FBN2: variants seen among roughly 807,000 people sequenced by gnomAD.
FBN2 encodes the protein fibrillin-2.
In FBN2, 105 loss-of-function variants were observed where a neutral mutation model predicts 355.6. The observed-to-expected ratio is 0.30, with a 90% CI of 0.25 to 0.35. The LOEUF (loss-of-function observed/expected upper bound fraction) is 0.35, where lower values mean the gene tolerates loss of function less well. Among genes scored for constraint, FBN2 ranks in the 10% least tolerant of loss-of-function variants. FBN2 has a pLI of 1.00. For synonymous variants in FBN2, 1,350 were observed against 1,301.2 expected, an observed-to-expected ratio of 1.04 and a Z score of -0.81; for missense variants, 3,280 against 3,758.7, an observed-to-expected ratio of 0.87 and a Z score of 3.33.
chr5:128,505,834 G>A (rs574483558), intron 5 of FBN2, among the ~76,000 whole-genome samples: 40 of 152,084 alleles, frequency 2.6e-4, no homozygotes, highest in Non-Finnish European at 5.1e-4. Flanking sequence ...ATATTCCGTT[G>A]TATGCACTGT....
At chr5:128,311,811 G>C in intron 38 of FBN2, 74 bp downstream of exon 38, 5 of 1,124,172 alleles carry the variant, frequency 4.4e-6, no homozygotes, top group Admixed American at 1.7e-5. Context: ...CTCTGCCCTA[G>C]GTTTTCTGCC....
intron 34 of FBN2, among the ~76,000 whole-genome samples, chr5:128,326,589 A>G (rs746215360): frequency 3.9e-5 from 6 of 152,212 alleles, no homozygotes; most frequent in Non-Finnish European, 7.3e-5. Flanking sequence ...ATGTATTTAT[A>G]ATAAGATGGG....
At chr5:128,444,666 C>A (rs3805659) in intron 7 of FBN2, among the ~76,000 whole-genome samples, 1 of 152,178 alleles carries the variant, frequency 6.6e-6, no homozygotes, top group East Asian at 1.9e-4. Flanking sequence ...CTATCAATGT[C>A]CCTCTTTCCT....
chr5:128,488,421 T>A (rs1230238435), intron 5 of FBN2, among the ~76,000 whole-genome samples: 1 of 152,164 alleles, frequency 6.6e-6, no homozygotes, highest in African/African-American at 2.4e-5. Flanking sequence ...TTAATAAAAT[T>A]TCAAGTTCTA....
chr5:128,418,822 C>T (rs540342112), intron 7 of FBN2, among the ~76,000 whole-genome samples: 40 of 152,048 alleles, frequency 2.6e-4, no homozygotes, highest in Non-Finnish European at 4.9e-4. Context: ...TGTGCTGCTA[C>T]GAAAAATGTG....
chr5:128,408,170 T>A (rs569883455), intron 8 of FBN2, among the ~76,000 whole-genome samples: 2 of 152,336 alleles, frequency 1.3e-5, no homozygotes, highest in South Asian at 4.1e-4. Context: ...CCTTGCTCAA[T>A]AACAGATTAC....
intron 8 of FBN2, among the ~76,000 whole-genome samples, chr5:128,405,074 G>T (rs1752891327): frequency 1.3e-5 from 2 of 152,180 alleles, no homozygotes; most frequent in Admixed American, 1.3e-4. Flanking sequence ...AGGAGGCTGA[G>T]GTGGGACAAT....
intron 46 of FBN2, among the ~76,000 whole-genome samples, chr5:128,302,063 T>C (rs1373977620): frequency 6.7e-6 from 1 of 149,610 alleles, no homozygotes; most frequent in Non-Finnish European, 1.5e-5. Context: ...ACAAAGGCTC[T>C]AAGAAACTAG....
chr5:128,301,262 G>C, intron 47 of FBN2, 120 bp downstream of exon 47: 1 of 965,722 alleles, frequency 1.0e-6, no homozygotes, highest in Non-Finnish European at 1.6e-6. Flanking sequence ...GCTTATCTTG[G>C]TCATGTGCTC....
chr5:128,392,424 G>A (rs911095706), intron 10 of FBN2, among the ~76,000 whole-genome samples: 2 of 152,160 alleles, frequency 1.3e-5, no homozygotes, highest in Admixed American at 6.5e-5. Context: ...ATACGTTTGA[G>A]TGCTTTCCGT....
intron 7 of FBN2, chr5:128,442,320 A>AG (rs1310925847): frequency 6.6e-6 from 3 of 456,682 alleles, no homozygotes; most frequent in Non-Finnish European, 1.3e-5. Context: ...ATAGTCTGGA[A>AG]GGGAGGATCA....
chr5:128,308,410 A>G (rs962288219), intron 41 of FBN2, among the ~76,000 whole-genome samples: 1 of 152,178 alleles, frequency 6.6e-6, no homozygotes, highest in African/African-American at 2.4e-5. Flanking sequence ...AAAAAGGCCT[A>G]TGTGTTGCTT....
At chr5:128,354,845 C>T (rs757963486) in intron 20 of FBN2, among the ~76,000 whole-genome samples, 4 of 152,108 alleles carry the variant, frequency 2.6e-5, no homozygotes, top group Non-Finnish European at 4.4e-5. Flanking sequence ...TTTGAGATAT[C>T]GATGAGCCAT....
At chr5:128,526,524 T>C (rs192994869) in intron 4 of FBN2, among the ~76,000 whole-genome samples, 1 of 152,240 alleles carries the variant, frequency 6.6e-6, no homozygotes, top group Non-Finnish European at 1.5e-5. Context: ...ATGTGGTATA[T>C]TCATATAATG....
At chr5:128,488,231 C>G (rs756036055) in intron 5 of FBN2, among the ~76,000 whole-genome samples, 11 of 152,250 alleles carry the variant, frequency 7.2e-5, no homozygotes, top group Middle Eastern at 3.4e-3. Context: ...CTGGCATTCA[C>G]TGAAACACTA....
intron 53 of FBN2, 87 bp from the exon 54 acceptor site, chr5:128,287,517 C>T: frequency 6.9e-7 from 1 of 1,458,732 alleles, no homozygotes; most frequent in Admixed American, 1.7e-5. Flanking sequence ...ACTTGGCGGT[C>T]ATACACAAAG....
At chr5:128,521,775 G>A (rs1374714519) in intron 4 of FBN2, among the ~76,000 whole-genome samples, 2 of 152,100 alleles carry the variant, frequency 1.3e-5, no homozygotes, top group South Asian at 2.1e-4. Context: ...TGGAGGAAGG[G>A]CTTCTCCCAC....
At chr5:128,528,464 A>G (rs749320603) in intron 3 of FBN2, among the ~76,000 whole-genome samples, 2 of 152,218 alleles carry the variant, frequency 1.3e-5, no homozygotes, top group Non-Finnish European at 2.9e-5. Flanking sequence ...TCTGGAGCCA[A>G]GAAGGAGCTT....
intron 7 of FBN2, among the ~76,000 whole-genome samples, chr5:128,425,488 T>C (rs910044939): frequency 3.1e-4 from 47 of 152,196 alleles, no homozygotes; most frequent in Non-Finnish European, 1.6e-4. Context: ...TAGTATTTAA[T>C]AGGGAAAATT....
Sources: allele counts gnomAD v4.1 joint callset (sites outside exome capture counted in the v4.1 genomes callset), GRCh38; gene constraint gnomAD v4.1.1; transcripts MANE v1.5; gene names NCBI Gene and HGNC (gene_info 2026-07-23, HGNC 2026-07-21).